The following PRKCB variants were observed in gnomAD, a reference collection of about 807,000 sequenced individuals.
PRKCB encodes protein kinase C beta.
In PRKCB, 13 loss-of-function variants were observed where a neutral mutation model predicts 81.5. That is an observed-to-expected ratio of 0.16 (90% confidence interval 0.10 to 0.25). The LOEUF is 0.25. Ranked by LOEUF, PRKCB falls within the 10% of genes least tolerant of loss-of-function variation. The pLI is 1.00. For missense variants in PRKCB, 509 were observed against 875.7 expected (o/e 0.58, Z 5.29); for synonymous variants, 335 against 321.4 (o/e 1.04, Z -0.45).
intron 5 of PRKCB, among the ~76,000 whole-genome samples, chr16:24,062,579 A>C (rs1965986950): frequency 6.6e-6 from 1 of 152,208 alleles, no homozygotes; most frequent in Non-Finnish European, 1.5e-5. Context: ...TTTATAGCTA[A>C]TAAACTGAGA....
intron 2 of PRKCB, among the ~76,000 whole-genome samples, chr16:23,896,260 T>C (rs1389746891): frequency 6.6e-6 from 1 of 152,226 alleles, no homozygotes; most frequent in East Asian, 1.9e-4. Flanking sequence ...TTTTTAAAGA[T>C]GTGACTCTCA....
chr16:23,941,547 G>T (rs923662480), intron 2 of PRKCB, among the ~76,000 whole-genome samples: 8 of 152,042 alleles, frequency 5.3e-5, no homozygotes, highest in East Asian at 1.9e-4. Flanking sequence ...GATATTAAAA[G>T]AACAATGCAT....
intron 5 of PRKCB, among the ~76,000 whole-genome samples, chr16:24,054,879 A>T (rs1245454592): frequency 1.3e-5 from 2 of 152,190 alleles, no homozygotes; most frequent in Non-Finnish European, 2.9e-5. Flanking sequence ...TCCATCCCAG[A>T]ATAGTGTGGT....
intron 3 of PRKCB, among the ~76,000 whole-genome samples, chr16:23,989,764 C>T (rs1230801983): frequency 6.6e-6 from 1 of 152,138 alleles, no homozygotes; most frequent in African/African-American, 2.4e-5. Flanking sequence ...ACCCAGCAGC[C>T]ATTCACAGCC....
intron 16 of PRKCB, among the ~76,000 whole-genome samples, chr16:24,205,069 G>A (rs568738058): frequency 2.0e-5 from 3 of 151,024 alleles, no homozygotes; most frequent in South Asian, 2.1e-4. Flanking sequence ...GCAGTGAGCC[G>A]AGATCGTGCC....
intron 1 of PRKCB, among the ~76,000 whole-genome samples, chr16:23,836,770 G>GGGC (rs1555477163): frequency 2.0e-5 from 3 of 151,320 alleles, no homozygotes; most frequent in African/African-American, 7.3e-5. Flanking sequence ...CTTGTTTCCG[G>GGGC]GGGGGGCGGC....
intron 3 of PRKCB, among the ~76,000 whole-genome samples, chr16:24,003,603 T>C (rs565457754): frequency 6.6e-6 from 1 of 152,304 alleles, no homozygotes; most frequent in South Asian, 2.1e-4. Context: ...CAGGCTGGTC[T>C]CGAACTCCTG....
At chr16:23,838,903 G>A (rs1365882425) in intron 2 of PRKCB, among the ~76,000 whole-genome samples, 2 of 152,312 alleles carry the variant, frequency 1.3e-5, no homozygotes, top group East Asian at 3.9e-4. Flanking sequence ...AACAACTTAG[G>A]CCCTGGTGCA....
At chr16:24,098,781 GA>G (rs1966471043) in intron 7 of PRKCB, 1 of 152,224 alleles carries the variant, frequency 6.6e-6, no homozygotes, top group Non-Finnish European at 1.5e-5. Context: ...GCAGACTAGG[GA>G]GGCCATCTGG....
chr16:24,137,211 C>T (rs1966868069), intron 9 of PRKCB, among the ~76,000 whole-genome samples: 1 of 151,636 alleles, frequency 6.6e-6, no homozygotes, highest in African/African-American at 2.4e-5. Flanking sequence ...TTTTTAGAGA[C>T]AGCATCTGGC....
intron 9 of PRKCB, among the ~76,000 whole-genome samples, chr16:24,133,873 A>T (rs1966857272): frequency 6.6e-6 from 1 of 150,614 alleles, no homozygotes; most frequent in Non-Finnish European, 1.5e-5. Context: ...TGGGGTCCAC[A>T]CATCTTCCCA....
chr16:23,956,635 ATGT>A (rs1017505199), intron 2 of PRKCB, among the ~76,000 whole-genome samples: 14 of 152,304 alleles, frequency 9.2e-5, no homozygotes, highest in African/African-American at 3.4e-4. Context: ...TTGCTCTCAA[ATGT>A]TGTGCCAATT....
At chr16:24,175,093 T>C (rs1967507006) in intron 12 of PRKCB, among the ~76,000 whole-genome samples, 1 of 152,178 alleles carries the variant, frequency 6.6e-6, no homozygotes, top group Non-Finnish European at 1.5e-5. Context: ...TGGATGATCA[T>C]AGCTGCATGA....
At chr16:23,982,060 C>T (rs1281960863) in intron 2 of PRKCB, among the ~76,000 whole-genome samples, 3 of 106,578 alleles carry the variant, frequency 2.8e-5, no homozygotes, top group African/African-American at 4.0e-5. Flanking sequence ...CCTTTCCCTT[C>T]CCCTTCTCTT....
intron 9 of PRKCB, among the ~76,000 whole-genome samples, chr16:24,153,374 C>T (rs906364674): frequency 6.6e-6 from 1 of 152,158 alleles, no homozygotes; most frequent in Non-Finnish European, 1.5e-5. Context: ...TAAGTGAAAA[C>T]CTGGAATTGT....
chr16:24,108,328 AT>A (rs1966606321), intron 7 of PRKCB, among the ~76,000 whole-genome samples: 3 of 133,144 alleles, frequency 2.3e-5, no homozygotes, highest in African/African-American at 8.9e-5. Flanking sequence ...TTTATTTTTT[AT>A]TTTATTTTTT....
chr16:23,881,364 C>A (rs575505299), intron 2 of PRKCB, among the ~76,000 whole-genome samples: 3 of 151,908 alleles, frequency 2.0e-5, no homozygotes, highest in Non-Finnish European at 4.4e-5. Context: ...GCAATTCTCC[C>A]GCCTCAGCCT....
intron 3 of PRKCB, among the ~76,000 whole-genome samples, chr16:24,003,700 A>G (rs1965072617): frequency 6.6e-6 from 1 of 152,136 alleles, no homozygotes; most frequent in African/African-American, 2.4e-5. Context: ...CCCTGCATTC[A>G]TAATTGATCT....
chr16:23,836,397 C>T, intron 1 of PRKCB, 49 bp downstream of exon 1: 2 of 1,583,832 alleles, frequency 1.3e-6, no homozygotes, highest in South Asian at 1.1e-5. Flanking sequence ...AGGGCAGCGC[C>T]GCGCCAGGGA....
Sources: allele counts gnomAD v4.1 joint callset (sites outside exome capture counted in the v4.1 genomes callset), GRCh38; gene constraint gnomAD v4.1.1; transcripts MANE v1.5; gene names NCBI Gene and HGNC (gene_info 2026-07-23, HGNC 2026-07-21).